CSMD1: variants seen among roughly 807,000 people sequenced by gnomAD.
CSMD1 encodes the protein CUB and Sushi multiple domains 1, also known as CUB and sushi domain-containing protein 1.
A neutral mutation model predicts 417.5 loss-of-function variants in CSMD1; 213 were observed. That is an observed-to-expected ratio of 0.51 (90% CI 0.46 to 0.57). CSMD1 has a LOEUF of 0.57. Ranked by LOEUF, CSMD1 falls within the 20% of genes least tolerant of loss-of-function variation. The probability of loss-of-function intolerance (pLI) is 0.00; values close to 1 mark genes in which losing one functional copy is unlikely to be tolerated. For missense variants in CSMD1, 6,923 were observed against 4,529.7 expected, an observed-to-expected ratio of 1.53 and a Z score of -15.17; for synonymous variants, 2,862 against 1,736.8, an observed-to-expected ratio of 1.65 and a Z score of -16.11.
chr8:4,725,009 G>C (rs537590970), intron 1 of CSMD1, among the ~76,000 whole-genome samples: 1 of 152,028 alleles, frequency 6.6e-6, no homozygotes, highest in Non-Finnish European at 1.5e-5. Context: ...AGTCGTGAAA[G>C]AACACGTTTT....
intron 1 of CSMD1, among the ~76,000 whole-genome samples, chr8:4,819,664 CT>C (rs1303205230): frequency 5.9e-5 from 9 of 152,164 alleles, no homozygotes; most frequent in African/African-American, 1.4e-4. Context: ...GTTGTCACCC[CT>C]GTCTCAGTCT....
chr8:3,189,099 C>T (rs1276473109), intron 34 of CSMD1, 88 bp from the exon 35 acceptor site: 3 of 1,266,190 alleles, frequency 2.4e-6, no homozygotes, highest in Non-Finnish European at 2.2e-6. Flanking sequence ...TGTGACCACA[C>T]AGTAAGAGAA....
chr8:3,919,737 TA>T (rs1796180865), intron 5 of CSMD1, among the ~76,000 whole-genome samples: 2 of 152,146 alleles, frequency 1.3e-5, no homozygotes, highest in Admixed American at 1.3e-4. Context: ...ATGGACATTT[TA>T]AAAATATTAA....
intron 1 of CSMD1, among the ~76,000 whole-genome samples, chr8:4,930,502 A>C (rs903494364): frequency 2.0e-5 from 3 of 152,150 alleles, no homozygotes; most frequent in Admixed American, 2.0e-4. Flanking sequence ...AATTGTTCAA[A>C]ACTACAGCCG....
intron 3 of CSMD1, among the ~76,000 whole-genome samples, chr8:4,278,317 G>C (rs941444397): frequency 2.1e-4 from 32 of 152,090 alleles, no homozygotes; most frequent in Admixed American, 2.0e-3. Context: ...GGTAGTGCTG[G>C]TAATCTACAA....
intron 4 of CSMD1, among the ~76,000 whole-genome samples, chr8:4,016,664 C>G (rs1796538538): frequency 1.3e-5 from 2 of 152,198 alleles, no homozygotes; most frequent in Admixed American, 6.5e-5. Context: ...TTGTCTTACT[C>G]TGTAAAGCAA....
chr8:2,995,654 C>T (rs908574154), intron 54 of CSMD1, among the ~76,000 whole-genome samples: 10 of 152,130 alleles, frequency 6.6e-5, no homozygotes, highest in Admixed American at 6.5e-4. Flanking sequence ...CCCAGACGTC[C>T]TTCAATGGGT....
At chr8:3,797,329 G>C (rs530900598) in intron 5 of CSMD1, among the ~76,000 whole-genome samples, 2 of 151,900 alleles carry the variant, frequency 1.3e-5, no homozygotes, top group Non-Finnish European at 2.9e-5. Flanking sequence ...TTCAATGATT[G>C]TTGACAAACT....
At chr8:4,008,614 T>TA (rs1563313013) in intron 4 of CSMD1, among the ~76,000 whole-genome samples, 81 of 133,732 alleles carry the variant, frequency 6.1e-4, no homozygotes, top group African/African-American at 2.2e-3. Context: ...TTTTTTTTTT[T>TA]TTTTTTTTTT....
intron 3 of CSMD1, among the ~76,000 whole-genome samples, chr8:4,163,012 C>A (rs894648285): frequency 6.6e-6 from 1 of 152,184 alleles, no homozygotes; most frequent in African/African-American, 2.4e-5. Flanking sequence ...AGACTGACTT[C>A]TTTCACTTAG....
chr8:3,624,346 A>T (rs1156282767), intron 7 of CSMD1, among the ~76,000 whole-genome samples: 1 of 152,200 alleles, frequency 6.6e-6, no homozygotes, highest in South Asian at 2.1e-4. Flanking sequence ...AGAGCCACAG[A>T]TTGGCTTGAA....
At chr8:4,758,154 T>C (rs1478160303) in intron 1 of CSMD1, among the ~76,000 whole-genome samples, 2 of 152,086 alleles carry the variant, frequency 1.3e-5, no homozygotes, top group Non-Finnish European at 2.9e-5. Context: ...GTGGTGTTTT[T>C]CTGCTTGGAG....
At chr8:3,786,599 G>C (rs913075469) in intron 5 of CSMD1, among the ~76,000 whole-genome samples, 6 of 152,136 alleles carry the variant, frequency 3.9e-5, no homozygotes, top group African/African-American at 1.2e-4. Context: ...TCGCTGTTGG[G>C]CTCTCTCAGC....
At chr8:4,488,600 G>A (rs1801535791) in intron 2 of CSMD1, among the ~76,000 whole-genome samples, 1 of 152,090 alleles carries the variant, frequency 6.6e-6, no homozygotes, top group South Asian at 2.1e-4. Flanking sequence ...TTCAATTCCT[G>A]TGCTTTAACA....
intron 1 of CSMD1, among the ~76,000 whole-genome samples, chr8:4,974,570 G>C (rs895070495): frequency 5.3e-5 from 8 of 152,084 alleles, no homozygotes; most frequent in African/African-American, 1.9e-4. Flanking sequence ...AAAAAGATTG[G>C]AGTCGACGTT....
intron 8 of CSMD1, among the ~76,000 whole-genome samples, chr8:3,608,049 G>A (rs1334645733): frequency 1.3e-5 from 2 of 152,094 alleles, no homozygotes; most frequent in African/African-American, 2.4e-5. Flanking sequence ...GTATGTGCCT[G>A]TAATGCCATC....
At chr8:4,037,430 T>C (rs993283208) in intron 3 of CSMD1, among the ~76,000 whole-genome samples, 1 of 152,178 alleles carries the variant, frequency 6.6e-6, no homozygotes, top group Non-Finnish European at 1.5e-5. Context: ...GGATGTCTAT[T>C]TCTGGGGCAT....
intron 4 of CSMD1, among the ~76,000 whole-genome samples, chr8:4,016,769 G>A (rs552686700): frequency 2.6e-5 from 4 of 152,212 alleles, no homozygotes; most frequent in Non-Finnish European, 4.4e-5. Flanking sequence ...GTTGACCTAA[G>A]TTTATGTGTA....
chr8:4,694,318 G>T (rs1806971539), intron 1 of CSMD1, among the ~76,000 whole-genome samples: 1 of 151,920 alleles, frequency 6.6e-6, no homozygotes, highest in Non-Finnish European at 1.5e-5. Context: ...CTGCCTTTCT[G>T]GACCAAACCA....
Sources: gnomAD v4.1 joint callset for allele counts (sites outside exome capture counted in the v4.1 genomes callset) on GRCh38, gnomAD v4.1.1 for gene constraint, MANE v1.5 for transcripts, NCBI Gene and HGNC (gene_info 2026-07-23, HGNC 2026-07-21) for gene names.